The following FMN2 variants were observed in gnomAD, a reference collection of about 807,000 sequenced individuals.
FMN2 encodes formin-2.
In FMN2, 51 loss-of-function variants were observed where a neutral mutation model predicts 142.3. The observed-to-expected ratio is 0.36, with a 90% CI of 0.29 to 0.45. The LOEUF (loss-of-function observed/expected upper bound fraction) is 0.45. Ranked by LOEUF, FMN2 falls within the 20% of genes least tolerant of loss-of-function variation. The pLI, the probability that FMN2 is intolerant of heterozygous loss-of-function variation, is 1.00. For missense variants in FMN2, 1,936 were observed against 2,122.8 expected (o/e 0.91, Z 1.73); for synonymous variants, 882 against 869.8 (o/e 1.01, Z -0.25).
In FMN2 at chr1:240,093,433, A is replaced by G. The variant is rs1661080723; in HGVS notation, c.1324A>G (p.Arg442Gly). ...SPSQSPNQSP[R>G]IKRRPEPSLS... ...GTCTCAGTCCCCTAATCAGAGCCCC[A>G]GGATCAAGAGGCGGCCGGAACCCTC... The change falls in exon 1 of 18, where the codon AGG becomes GGG. Residue 442 changes from arginine (R) to glycine (G), a missense_variant. Around this residue, in one of 8 missense-constraint regions of FMN2, gnomAD observed 751 missense variants for 791.8 expected, o/e 0.95. Coordinates refer to ENST00000319653, the MANE Select transcript of FMN2 (RefSeq NM_020066.5). 1.2e-6 allele frequency: 2 copies of G among 1,613,274 alleles called. No homozygotes were observed.
At chr1:240,319,442 C>T (rs554436710) in intron 8 of FMN2, among the ~76,000 whole-genome samples, 52 of 152,276 alleles carry the variant, frequency 3.4e-4, no homozygotes, top group African/African-American at 1.2e-3. Flanking sequence ...CAAATGCACA[C>T]GTTTTGTGAG....
intron 2 of FMN2, chr1:240,145,154 G>A (rs1663387063): frequency 4.1e-6 from 6 of 1,478,592 alleles, no homozygotes; most frequent in African/African-American, 1.4e-5. Flanking sequence ...TTCCTCCAGC[G>A]CTGGTCGATA....
chr1:240,190,735 AATGAG>A (rs1278555266), intron 4 of FMN2, among the ~76,000 whole-genome samples: 2 of 152,184 alleles, frequency 1.3e-5, no homozygotes, highest in African/African-American at 2.4e-5. Context: ...TCGTCAGATG[AATGAG>A]ATGAGATTCT....
rs184081648 is a variant in FMN2, at chr1:240,244,917, G to A, written c.4066-13028G>A. Among the ~76,000 whole-genome samples, 19 of 152,274 alleles carry A rather than the reference G, an allele frequency of 1.2e-4. No homozygotes were observed. In the East Asian group the frequency reaches 2.3e-3, roughly 19 times the overall value. On this transcript the variant is annotated intron_variant, in intron 6 of 17. Coordinates refer to ENST00000319653, the MANE Select transcript of FMN2 (RefSeq NM_020066.5). ...TTTAAACAAGGTTTACTTATTCAGC[G>A]GACATTTTTGGATGCTTACAATATA...
intron 3 of FMN2, among the ~76,000 whole-genome samples, chr1:240,181,760 T>A (rs908469409): frequency 1.5e-4 from 23 of 152,148 alleles, no homozygotes; most frequent in Admixed American, 3.3e-4. Flanking sequence ...CCAAACCAGT[T>A]GGTGGCAAAA....
chr1:240,309,653 A>G (rs943842592), intron 8 of FMN2, among the ~76,000 whole-genome samples: 1 of 152,152 alleles, frequency 6.6e-6, no homozygotes, highest in African/African-American at 2.4e-5. Context: ...GGCAAACTGC[A>G]TACCAGAGTC....
At position 240,332,305 on chromosome 1, in the gene FMN2, T is replaced by C. The variant is rs146528846; in HGVS notation, c.4584+1556T>C. ...AGCCGAGTGCAATAGCATGAGCCCG[T>C]AATCCCAGCTACTTGGGAGGACTTT... On this transcript the variant is annotated intron_variant, in intron 11 of 17. Coordinates refer to ENST00000319653, the MANE Select transcript of FMN2 (RefSeq NM_020066.5). 3.5e-4 allele frequency among the ~76,000 whole-genome samples: 53 copies of C among 151,772 alleles called. No individual in the cohort carries two copies. The East Asian group carries it at 8.0e-3, about 23-fold the overall frequency.
chr1:240,260,895 T>A (rs895820615), intron 7 of FMN2, among the ~76,000 whole-genome samples: 1 of 152,234 alleles, frequency 6.6e-6, no homozygotes, highest in Non-Finnish European at 1.5e-5. Flanking sequence ...GGTCTTAGGT[T>A]TAAGTCCTTG....
Position 240,111,568 on chromosome 1 carries a change from A to G in FMN2, c.1616-11611A>G, listed in dbSNP as rs149327467. Among the ~76,000 whole-genome samples, 1,157 of 152,228 alleles carry G rather than the reference A, an allele frequency of 7.6e-3. 12 individuals are homozygous for G. Among genetic ancestry groups the G allele is most frequent in the African/African-American group, 0.026 (1,086 of 41,530 alleles). On this transcript the variant is annotated intron_variant, in intron 1 of 17. Coordinates refer to ENST00000319653, the MANE Select transcript of FMN2 (RefSeq NM_020066.5). ...ATGGCACTGGTGGGAGTGTAACATG[A>G]GGATGACCAGAGGTCACTCTGGTCA...
chr1:240,176,765 T>TA (rs555956191), intron 2 of FMN2, among the ~76,000 whole-genome samples: 146 of 152,324 alleles, frequency 9.6e-4, no homozygotes, highest in African/African-American at 2.8e-3. Context: ...GATACATGAG[T>TA]AGCTCAAATG....
rs184889153 is a variant in FMN2 at position 240,309,005 on chromosome 1, T to C, written c.4215+14122T>C. On this transcript the variant is annotated intron_variant, in intron 8 of 17. Transcript: ENST00000319653. ...ATGCAGACACAGGGGTCTAGTAGTC[T>C]CAAGGCAGAAGGTGGAGAGTGAGGG... Among the ~76,000 whole-genome samples, 4 of 152,274 alleles carry C rather than the reference T, an allele frequency of 2.6e-5. No individual in the cohort carries two copies. The East Asian group carries it at 5.8e-4, about 22-fold the overall frequency.
intron 14 of FMN2, among the ~76,000 whole-genome samples, chr1:240,368,132 A>G (rs1409033347): frequency 2.6e-5 from 4 of 152,194 alleles, no homozygotes; most frequent in East Asian, 3.9e-4. Flanking sequence ...TTACTATTCT[A>G]TTTACTGTAG....
intron 6 of FMN2, among the ~76,000 whole-genome samples, chr1:240,243,078 A>G (rs533312581): frequency 6.6e-6 from 1 of 152,152 alleles, no homozygotes; most frequent in Admixed American, 6.5e-5. Context: ...TGAGTAGGAG[A>G]ATACGGTAGT....
At chr1:240,198,308 GTGTT>G (rs1665993254) in intron 4 of FMN2, among the ~76,000 whole-genome samples, 1 of 152,024 alleles carries the variant, frequency 6.6e-6, no homozygotes, top group African/African-American at 2.4e-5. Flanking sequence ...TGCTTCCACT[GTGTT>G]TGTTCACTAA....
intron 16 of FMN2, among the ~76,000 whole-genome samples, chr1:240,452,799 C>T (rs1219015610): frequency 6.6e-6 from 1 of 152,166 alleles, no homozygotes; most frequent in African/African-American, 2.4e-5. Context: ...ATCTTACTAG[C>T]TGTAGATATT....
chr1:240,329,548 C>A (rs1171353778), intron 10 of FMN2, 80 bp downstream of exon 10: 3 of 1,530,862 alleles, frequency 2.0e-6, no homozygotes, highest in Admixed American at 2.0e-5. Flanking sequence ...GAAAAGCATT[C>A]TTTTATTTAC....
chr1:240,260,084 G>C (rs1023976600), intron 7 of FMN2, among the ~76,000 whole-genome samples: 1 of 152,054 alleles, frequency 6.6e-6, no homozygotes, highest in Non-Finnish European at 1.5e-5. Flanking sequence ...CCATTAATTC[G>C]TTCCTTTTTA....
At chr1:240,243,658 A>C (rs933575096) in intron 6 of FMN2, among the ~76,000 whole-genome samples, 1 of 152,214 alleles carries the variant, frequency 6.6e-6, no homozygotes, top group African/African-American at 2.4e-5. Context: ...GAATTTGTTT[A>C]TCTCAAGTTA....
intron 2 of FMN2, among the ~76,000 whole-genome samples, chr1:240,132,131 A>C (rs968751789): frequency 3.9e-5 from 6 of 152,178 alleles, no homozygotes; most frequent in African/African-American, 1.2e-4. Context: ...CATTTCTGGG[A>C]TACTGTACTA....
Sources: allele counts gnomAD v4.1 joint callset (sites outside exome capture counted in the v4.1 genomes callset), GRCh38; gene constraint gnomAD v4.1.1; regional missense constraint gnomAD v4.1.1; transcripts MANE v1.5; gene names NCBI Gene and HGNC (gene_info 2026-07-23, HGNC 2026-07-21).